PIKFYVE: variants seen among roughly 807,000 people sequenced by gnomAD.
PIKFYVE encodes 1-phosphatidylinositol 3-phosphate 5-kinase.
Under a neutral mutation model 257.9 loss-of-function variants are expected in PIKFYVE, and 122 were observed. The ratio of observed to expected loss-of-function variants is 0.47; its 90% confidence interval spans 0.41 to 0.55. PIKFYVE has a LOEUF of 0.55. Ranked by LOEUF, PIKFYVE falls within the 20% of genes least tolerant of loss-of-function variation. The pLI is 0.00. For synonymous variants in PIKFYVE, 892 were observed against 868.9 expected (o/e 1.03, Z -0.47); for missense variants, 2,160 against 2,536.6 (o/e 0.85, Z 3.19).
Position 208,336,137 on chromosome 2 carries a change from T to C in PIKFYVE, c.4457T>C (p.Val1486Ala), listed in dbSNP as rs758934940. The change falls in exon 27 of 42, where the codon GTC becomes GCC. Residue 1486 changes from valine (V) to alanine (A), a missense_variant. This residue lies in a region of PIKFYVE where 699 missense variants were observed against 855.8 expected (regional missense o/e 0.82). Coordinates refer to ENST00000264380, the MANE Select transcript of PIKFYVE (RefSeq NM_015040.4). ...SVDTPQQLQS[V>A]FESLIAKKQS... ...GATACCCCTCAGCAACTGCAGTCGG[T>C]CTTTGAGTCACTCATTGCCAAGAAA... 1.9e-6 allele frequency: 3 copies of C among 1,613,934 alleles called. No individual in the cohort carries two copies. Among genetic ancestry groups the C allele is most frequent in the African/African-American group, 1.3e-5 (1 of 74,920 alleles).
chr2:208,291,659 G>C (rs567775107), intron 7 of PIKFYVE, among the ~76,000 whole-genome samples: 71 of 151,972 alleles, frequency 4.7e-4, no homozygotes, highest in Non-Finnish European at 9.4e-4. Context: ...AAGAGAAATA[G>C]GTCTGTTTCG....
chr2:208,306,789 T>TTTTTTC (rs1553514108), intron 12 of PIKFYVE, among the ~76,000 whole-genome samples: 1 of 145,564 alleles, frequency 6.9e-6, no homozygotes, highest in African/African-American at 2.5e-5. Flanking sequence ...TTTTTTTTTT[T>TTTTTTC]TTCTAAGAGA....
At chr2:208,351,928 A>C (rs1699811506) in intron 38 of PIKFYVE, among the ~76,000 whole-genome samples, 1 of 152,156 alleles carries the variant, frequency 6.6e-6, no homozygotes, top group Admixed American at 6.5e-5. Context: ...TTGCAGGGGC[A>C]AACATCCAAA....
intron 33 of PIKFYVE, among the ~76,000 whole-genome samples, chr2:208,345,694 A>G (rs1439207696): frequency 6.6e-6 from 1 of 152,140 alleles, no homozygotes; most frequent in East Asian, 1.9e-4. Context: ...TACTAACATT[A>G]TAGTTTTATC....
Position 208,330,682 on chromosome 2 carries a change from A to G in PIKFYVE, c.3951A>G (p.Arg1317=). The G allele has an allele frequency of 6.2e-7, 1 of 1,613,706 alleles. No homozygotes were observed. Among genetic ancestry groups the G allele is most frequent in the South Asian group, 1.1e-5 (1 of 91,070 alleles). ...QHTILTYSWC[R]ICKQVTPVVA... ...CAATTCTTACATATTCCTGGTGTAG[A>G]ATCTGCAAACAGGTAAATAGACCCT... is the stretch of plus-strand genomic sequence containing the variant. The change falls in exon 23 of 42, where the codon AGA becomes AGG. Residue 1317 remains arginine, a synonymous_variant. Coordinates refer to ENST00000264380, the MANE Select transcript of PIKFYVE (RefSeq NM_015040.4).
Position 208,326,044 on chromosome 2 carries a change from G to C in PIKFYVE, c.3233G>C (p.Arg1078Pro), listed in dbSNP as rs764335818. The part of the protein sequence containing the change: ...LTEKGMRCST[R>P]DYFAEQVYWS... ...GAAAAGGGGATGAGATGCTCTACCC[G>C]AGATTATTTTGCAGAGCAGGTTTAC... is the stretch of plus-strand genomic sequence containing the variant. The change falls in exon 20 of 42, where the codon CGA becomes CCA. Residue 1078 changes from arginine to proline, a missense_variant. Transcript: ENST00000264380. The C allele has an allele frequency of 3.1e-6, 5 of 1,614,002 alleles. No individual in the cohort carries two copies. The East Asian group carries it at 1.1e-4, about 36-fold the overall frequency.
intron 6 of PIKFYVE, among the ~76,000 whole-genome samples, chr2:208,288,020 T>G (rs1363367057): frequency 7.9e-5 from 12 of 152,234 alleles, no homozygotes; most frequent in Admixed American, 3.9e-4. Flanking sequence ...GTATAGAGTT[T>G]TTTTAGTTTT....
intron 12 of PIKFYVE, among the ~76,000 whole-genome samples, chr2:208,309,785 A>C (rs1694749438): frequency 1.3e-5 from 2 of 152,180 alleles, no homozygotes; most frequent in Admixed American, 1.3e-4. Flanking sequence ...GTTATTGAGG[A>C]CAGATGCCTG....
intron 9 of PIKFYVE, 53 bp from the exon 10 acceptor site, chr2:208,302,189 T>G: frequency 6.7e-7 from 1 of 1,485,578 alleles, no homozygotes. Context: ...ATCTGGTACT[T>G]AACTATTCTG....
intron 1 of PIKFYVE, among the ~76,000 whole-genome samples, chr2:208,268,235 G>A (rs1234518410): frequency 1.3e-5 from 2 of 152,076 alleles, no homozygotes; most frequent in African/African-American, 4.8e-5. Context: ...TGTTTTCATG[G>A]GAATTTTTAT....
intron 5 of PIKFYVE, among the ~76,000 whole-genome samples, chr2:208,284,148 A>G (rs1162372632): frequency 1.3e-5 from 2 of 152,220 alleles, no homozygotes; most frequent in Non-Finnish European, 2.9e-5. Context: ...ACAATGTTAT[A>G]GAAAAATAGA....
chr2:208,328,272 CA>C lies in PIKFYVE; in HGVS notation c.3712del (p.Ser1238ValfsTer5). On this transcript the variant is annotated frameshift_variant, in exon 21 of 42. Coordinates refer to ENST00000264380, the MANE Select transcript of PIKFYVE (RefSeq NM_015040.4). LOFTEE classifies it high-confidence loss of function. ...CCAGCAATGCTCCTAGTGCCTGTGT[CA>C]GTCCTTGGTAGGATTCTTTTCCCCC... ...QSSNAPSACV[S>X]PWIVTMEFYG... The C allele has an allele frequency of 6.2e-7, 1 of 1,613,746 alleles. No homozygotes were observed. The highest frequency in any genetic ancestry group is 8.5e-7 in the Non-Finnish European group (1 of 1,179,816).
intron 1 of PIKFYVE, chr2:208,270,090 C>G (rs1319828787): frequency 2.1e-5 from 3 of 145,900 alleles, no homozygotes; most frequent in African/African-American, 8.0e-5. Flanking sequence ...ATTGCCCAGG[C>G]TGGAGTGCAG....
intron 31 of PIKFYVE, among the ~76,000 whole-genome samples, chr2:208,342,109 C>T (rs1161433205): frequency 1.3e-5 from 2 of 152,112 alleles, no homozygotes; most frequent in Non-Finnish European, 2.9e-5. Context: ...GAGTTAGGGT[C>T]GGAGTCAGGG....
At chr2:208,351,023 T>A (rs1264106600) in intron 37 of PIKFYVE, 76 bp downstream of exon 37, 1 of 1,556,362 alleles carries the variant, frequency 6.4e-7, no homozygotes, top group Non-Finnish European at 8.8e-7. Flanking sequence ...GCAGGAAGGA[T>A]ATTGCTTAAT....
intron 20 of PIKFYVE, 122 bp from the exon 21 acceptor site, chr2:208,328,058 T>A (rs1468197937): frequency 3.2e-6 from 5 of 1,559,028 alleles, no homozygotes; most frequent in Non-Finnish European, 4.3e-6. Context: ...TAGTTTTAAA[T>A]CTTGACCAGA....
rs934535658 is a variant in PIKFYVE at position 208,304,980 on chromosome 2, C to T, written c.1603C>T (p.Pro535Ser). 5.6e-6 allele frequency: 9 copies of T among 1,614,010 alleles called. No individual in the cohort carries two copies. The African/African-American group carries it at 1.1e-4, about 19-fold the overall frequency. ...CCATATCAAGAAGCCCTCCAAGTAC[C>T]CACATGTGCCCCCTCACCCTGCTGA... ...NFHIKKPSKY[P>S]HVPPHPADQK... The change falls in exon 12 of 42, where the codon CCA becomes TCA. Residue 535 changes from proline (P) to serine (S), a missense_variant. Coordinates refer to ENST00000264380, the MANE Select transcript of PIKFYVE (RefSeq NM_015040.4).
intron 28 of PIKFYVE, among the ~76,000 whole-genome samples, chr2:208,337,590 T>G (rs989427576): frequency 6.6e-5 from 10 of 152,246 alleles, no homozygotes; most frequent in South Asian, 2.1e-4. Context: ...TCTATCGATC[T>G]ATCTATCTAG....
intron 34 of PIKFYVE, 88 bp from the exon 35 acceptor site, chr2:208,347,771 A>T: frequency 8.7e-7 from 1 of 1,151,266 alleles, no homozygotes; most frequent in Non-Finnish European, 1.3e-6. Context: ...TATAGTGGTT[A>T]CAACTAACAA....
Sources: gnomAD v4.1 joint callset for allele counts (sites outside exome capture counted in the v4.1 genomes callset) on GRCh38, gnomAD v4.1.1 for gene constraint, gnomAD v4.1.1 regional missense constraint, MANE v1.5 for transcripts, NCBI Gene and HGNC (gene_info 2026-07-23, HGNC 2026-07-21) for gene names.